PAN2: variants seen among roughly 807,000 people sequenced by gnomAD.
PAN2 encodes PAN2-PAN3 deadenylation complex catalytic subunit PAN2.
Under a neutral mutation model 133.3 loss-of-function variants are expected in PAN2, and 68 were observed. That is an observed-to-expected ratio of 0.51 (90% CI 0.42 to 0.62). The LOEUF is 0.62. Among genes scored for constraint, PAN2 ranks in the 20% least tolerant of loss-of-function variants. The probability of loss-of-function intolerance (pLI) is 0.00; values close to 1 mark genes in which losing one functional copy is unlikely to be tolerated. For synonymous variants in PAN2, 462 were observed against 544.6 expected, an observed-to-expected ratio of 0.85 and a Z score of 2.11; for missense variants, 1,042 against 1,500.5, an observed-to-expected ratio of 0.69 and a Z score of 5.05.
intron 18 of PAN2, 61 bp downstream of exon 18, chr12:56,322,554 C>T: frequency 1.2e-6 from 2 of 1,610,282 alleles, no homozygotes; most frequent in South Asian, 1.1e-5. Context: ...GACTCAAGGA[C>T]AGATCTGGGA....
At position 56,323,307 on chromosome 12, in the gene PAN2, C is replaced by T; in HGVS notation, c.2345+4G>A. Reference sequence around the variant, plus strand: ...CCTTTGACAACTCCCAAGACAGCACCTACCAATCAGCCAAAGCAAATTCCT... The same window carrying T: ...CCTTTGACAACTCCCAAGACAGCACTTACCAATCAGCCAAAGCAAATTCCT... On this transcript the variant is annotated splice_donor_region_variant and intron_variant, in intron 16 of 25. Coordinates refer to ENST00000440411, the MANE Select transcript of PAN2 (RefSeq NM_014871.6). The T allele has an allele frequency of 3.7e-6, 6 of 1,614,096 alleles. No individual in the cohort carries two copies. Among genetic ancestry groups the T allele is most frequent in the Non-Finnish European group, 5.1e-6 (6 of 1,180,008 alleles).
intron 10 of PAN2, 31 bp downstream of exon 10, chr12:56,324,978 C>A: frequency 6.2e-7 from 1 of 1,610,692 alleles, no homozygotes; most frequent in Non-Finnish European, 8.5e-7. Flanking sequence ...GCAGCAGGCA[C>A]GTTCAAGTTA....
chr12:56,329,047 G>A (rs1208029467), intron 2 of PAN2, among the ~76,000 whole-genome samples: 1 of 152,048 alleles, frequency 6.6e-6, no homozygotes, highest in Non-Finnish European at 1.5e-5. Flanking sequence ...TTTCTATAAC[G>A]GATTTAGGCA....
chr12:56,322,321 C>T (rs2135962828), intron 19 of PAN2, 102 bp downstream of exon 19: 1 of 1,139,484 alleles, frequency 8.8e-7, no homozygotes, highest in South Asian at 1.3e-5. Flanking sequence ...GGATTCCTTC[C>T]TCCCTCCCTG....
Position 56,322,602 on chromosome 12 carries a change from C to T in PAN2, c.2637+13G>A, listed in dbSNP as rs774022370. The T allele has an allele frequency of 1.2e-6, 2 of 1,614,090 alleles. No homozygotes were observed. Among genetic ancestry groups the T allele is most frequent in the South Asian group, 2.2e-5 (2 of 91,076 alleles). ...ATCCCAGGAGTGTTCCTGCCCTCTA[C>T]AACCTCACTCACCTCCTTGCGCTGG... On this transcript the variant is annotated intron_variant, in intron 18 of 25. Transcript: ENST00000440411.
chr12:56,325,096 C>T lies in PAN2; in HGVS notation c.1512G>A (p.Glu504=). 1 of 1,613,888 alleles carries T rather than the reference C, an allele frequency of 6.2e-7. No homozygotes were observed. Among genetic ancestry groups the T allele is most frequent in the African/African-American group, 1.3e-5 (1 of 75,018 alleles). Residue 504 remains glutamate (E), a synonymous_variant, in exon 10 of 26, where the codon GAG becomes GAA. Transcript: ENST00000440411. ...VTIKYSKLGL[E]DFDFKHYNKT... is the part of the protein sequence containing the mutation. ...TATTGTAGTGTTTGAAGTCAAAGTC[C>T]TCCAGCCCTAGCTTGGAATATTTGA...
chr12:56,322,372 A>G, intron 19 of PAN2, 51 bp downstream of exon 19: 1 of 1,441,576 alleles, frequency 6.9e-7, no homozygotes, highest in Non-Finnish European at 9.8e-7. Flanking sequence ...AAAGATAAGG[A>G]TGCTAGGAAA....
chr12:56,319,560 T>G lies in PAN2; in HGVS notation c.3090+61A>C. 6 of 1,588,782 alleles carry G rather than the reference T, an allele frequency of 3.8e-6. No individual in the cohort carries two copies. Among genetic ancestry groups the G allele is most frequent in the Non-Finnish European group, 5.1e-6 (6 of 1,167,028 alleles). On this transcript the variant is annotated intron_variant, in intron 22 of 25. Coordinates refer to ENST00000440411, the MANE Select transcript of PAN2 (RefSeq NM_014871.6). This position sits in a 1 kb window ranked among gnomAD's most constrained non-coding sequence, Gnocchi z 5.4. ...TCTTCCCCTATCACTCTTCCCTGGG[T>G]TCTTGAGCACTGTAAGTAAGCACCA...
chr12:56,332,585 G>A (rs1325308561), intron 2 of PAN2: 10 of 541,266 alleles, frequency 1.8e-5, no homozygotes, highest in Non-Finnish European at 3.3e-5. Flanking sequence ...AGGCGACAGA[G>A]CAAGACCCTG....
At chr12:56,320,284 C>G (rs1036279471) in intron 20 of PAN2, among the ~76,000 whole-genome samples, 3 of 152,034 alleles carry the variant, frequency 2.0e-5, no homozygotes, top group Non-Finnish European at 2.9e-5. Context: ...CCTTAGTTTA[C>G]AGAATCCAGA....
In PAN2 at chr12:56,326,789, A is replaced by C. The variant is rs894576498; in HGVS notation, c.1090T>G (p.Ser364Ala). Reference sequence around the variant, plus strand: ...GTCTCACGGGAGTAGGGGTTGAAGGAAGGCTCCGGGGAATCAGTCCAGAGG... The same window carrying C: ...GTCTCACGGGAGTAGGGGTTGAAGGCAGGCTCCGGGGAATCAGTCCAGAGG... ...VHLWTDSPEP[S>A]FNPYSRETEF... is the part of the protein sequence containing the mutation. The change falls in exon 7 of 26, where the codon TCC becomes GCC. Residue 364 changes from serine (S) to alanine (A), a missense_variant. Coordinates refer to ENST00000440411, the MANE Select transcript of PAN2 (RefSeq NM_014871.6). 4.3e-6 allele frequency: 7 copies of C among 1,614,108 alleles called. No homozygotes were observed. The highest frequency in any genetic ancestry group is 2.2e-5 in the East Asian group (1 of 44,900).
intron 20 of PAN2, 125 bp from the exon 21 acceptor site, chr12:56,320,146 G>A (rs912906667): frequency 3.6e-6 from 3 of 824,404 alleles, no homozygotes; most frequent in Admixed American, 4.9e-5. Context: ...AAGCACGTGA[G>A]AAAAAAGATC....
At chr12:56,328,691 C>A (rs1458256090) in intron 2 of PAN2, 50 bp from the exon 3 acceptor site, 6 of 1,509,562 alleles carry the variant, frequency 4.0e-6, no homozygotes, top group Middle Eastern at 1.8e-4. Context: ...GGGCAAGGGC[C>A]ACCCTACGGC....
intron 24 of PAN2, chr12:56,318,663 T>C: frequency 2.0e-6 from 1 of 505,332 alleles, no homozygotes; most frequent in Non-Finnish European, 3.5e-6. Context: ...TCTAACACTT[T>C]TCCTACTTTT....
chr12:56,328,441 G>A (rs374836328), intron 3 of PAN2, 31 bp downstream of exon 3: 582 of 1,611,328 alleles, frequency 3.6e-4, no homozygotes, highest in South Asian at 4.5e-4. Context: ...AGGCATCCTC[G>A]TTCCTAGTCC....
At chr12:56,321,399 T>G (rs938652775) in intron 20 of PAN2, among the ~76,000 whole-genome samples, 15 of 150,754 alleles carry the variant, frequency 9.9e-5, no homozygotes, top group African/African-American at 3.4e-4. Context: ...CAGCTACTTT[T>G]TGTATTTTTT....
chr12:56,318,313 C>G lies in PAN2; in HGVS notation c.3486G>C (p.Val1162=). The part of the protein sequence containing the change: ...NGTEPESFHK[V]LKGLYEKGRK... ...TGCCCTTCTCATAAAGACCCTTGAG[C>G]ACCTTGTGGAAAGACTCAGGCTCAG... The change falls in exon 25 of 26, where the codon GTG becomes GTC. Residue 1162 remains valine, a synonymous_variant. Transcript: ENST00000440411. The G allele has an allele frequency of 6.2e-7, 1 of 1,614,132 alleles. No individual in the cohort carries two copies. Among genetic ancestry groups the G allele is most frequent in the Non-Finnish European group, 8.5e-7 (1 of 1,180,002 alleles).
rs148254247 is a variant in PAN2 at position 56,327,433 on chromosome 12, G to A, written c.850C>T (p.His284Tyr). The stretch of plus-strand genomic sequence containing the variant: ...AAGCGCAAGAAGGCAGGATCCACAT[G>A]TACTTGAAGTGGTGTGATGGCACGC... ...MMRAITPLQV[H>Y]VDPAFLRFIP... Residue 284 changes from histidine (H) to tyrosine (Y), a missense_variant, in exon 6 of 26, where the codon CAT (histidine) becomes TAT (tyrosine). Physicochemically the swap from His to Tyr is moderately conservative, Grantham distance 83. Coordinates refer to ENST00000440411, the MANE Select transcript of PAN2 (RefSeq NM_014871.6). The A allele has an allele frequency of 1.3e-5, 21 of 1,614,168 alleles. No individual in the cohort carries two copies. The East Asian group carries it at 2.2e-4, about 17-fold the overall frequency.
In PAN2 at chr12:56,325,124, G is replaced by T; in HGVS notation, c.1484C>A (p.Thr495Asn). The change falls in exon 10 of 26, where the codon ACC (threonine) becomes AAC (asparagine). Residue 495 changes from threonine to asparagine, a missense_variant. Physicochemically the swap from Thr to Asn is moderately conservative, Grantham distance 65. Around this residue, in one of 3 missense-constraint regions of PAN2, gnomAD observed 908 missense variants for 1,223.5 expected, o/e 0.74. Transcript: ENST00000440411. Reference sequence around the variant, plus strand: ...CAGCCCTAGCTTGGAATATTTGATGGTCACCTAAGGTAGAAATTGTCTGAG... The same window carrying T: ...CAGCCCTAGCTTGGAATATTTGATGTTCACCTAAGGTAGAAATTGTCTGAG... Reference protein sequence around the residue: ...HMVSKKYRKVTIKYSKLGLED... With the variant: ...HMVSKKYRKVNIKYSKLGLED... 6.2e-7 allele frequency: 1 copy of T among 1,613,692 alleles called. No individual in the cohort carries two copies. The highest frequency in any genetic ancestry group is 8.5e-7 in the Non-Finnish European group (1 of 1,179,780).
Sources: gnomAD v4.1 joint callset for allele counts (sites outside exome capture counted in the v4.1 genomes callset) on GRCh38, gnomAD v4.1.1 for gene constraint, gnomAD v4.1.1 regional missense constraint, Gnocchi (gnomAD v3.1) non-coding constraint, MANE v1.5 for transcripts, NCBI Gene and HGNC (gene_info 2026-07-23, HGNC 2026-07-21) for gene names.